EML2: variants seen among roughly 807,000 people sequenced by gnomAD.
The protein encoded by EML2 is echinoderm microtubule-associated protein-like 2.
EML2 carries 59 observed loss-of-function variants against 84.7 expected under a neutral mutation model. The ratio of observed to expected loss-of-function variants is 0.70; its 90% CI spans 0.56 to 0.86. EML2 has a LOEUF of 0.86. Ranked by LOEUF, EML2 falls within the 40% of genes least tolerant of loss-of-function variation. The pLI, the probability that EML2 is intolerant of heterozygous loss-of-function variation, is 0.00. For missense variants in EML2, 818 were observed against 855.6 expected (o/e 0.96, Z 0.55); for synonymous variants, 352 against 348.9 (o/e 1.01, Z -0.10).
At chr19:45,620,016 A>T (rs540100869) in intron 11 of EML2, among the ~76,000 whole-genome samples, 1 of 152,148 alleles carries the variant, frequency 6.6e-6, no homozygotes, top group African/African-American at 2.4e-5. Flanking sequence ...GCATCACTGC[A>T]TTCCAGGCTG....
upstream of EML2, chr19:45,641,298 C>A: frequency 4.1e-6 from 1 of 241,916 alleles, no homozygotes; most frequent in South Asian, 5.6e-5. Flanking sequence ...AACTCTGTGG[C>A]TGCTGCCTTG....
At chr19:45,635,569 T>C (rs1973626837) in intron 3 of EML2, among the ~76,000 whole-genome samples, 1 of 144,518 alleles carries the variant, frequency 6.9e-6, no homozygotes, top group African/African-American at 2.6e-5. Flanking sequence ...CAAAAAAAAA[T>C]GAATGTCTGT....
intron 3 of EML2, among the ~76,000 whole-genome samples, chr19:45,635,783 G>C (rs1002768772): frequency 6.6e-6 from 1 of 150,736 alleles, no homozygotes; most frequent in African/African-American, 2.4e-5. Context: ...GTAGAGAAAG[G>C]GTTTCTCCAT....
At chr19:45,610,409 C>T (rs946477362) in intron 18 of EML2, among the ~76,000 whole-genome samples, 1 of 145,630 alleles carries the variant, frequency 6.9e-6, no homozygotes, top group Admixed American at 6.9e-5. Context: ...CAAAAAAGAA[C>T]CAACAGAACA....
intron 7 of EML2, among the ~76,000 whole-genome samples, chr19:45,628,332 C>G (rs1464233513): frequency 6.6e-6 from 1 of 151,080 alleles, no homozygotes; most frequent in Non-Finnish European, 1.5e-5. Context: ...CATGCCATTA[C>G]ACTCCAGCCT....
At chr19:45,611,838 A>G (rs73570951) in intron 18 of EML2, among the ~76,000 whole-genome samples, 17,867 of 151,860 alleles carry the variant, frequency 0.12, 2,729 homozygotes, top group African/African-American at 0.35. Context: ...GAGGGCTAAA[A>G]GATAACCTAT....
Position 45,611,054 on chromosome 19 carries a change from G to T in EML2, c.1825-1266C>A, listed in dbSNP as rs547087846. Among the ~76,000 whole-genome samples, 7 of 152,198 alleles carry T rather than the reference G, an allele frequency of 4.6e-5. 1 individual carries two copies. The South Asian group carries it at 1.5e-3, about 32-fold the overall frequency. On this transcript the variant is annotated intron_variant, in intron 18 of 18. Coordinates refer to ENST00000245925, the MANE Select transcript of EML2 (RefSeq NM_012155.4). ...ATCAGGGAAATATGAATATGTACTGGCTATGAGATCATATTTAGGAATTAA... is the reference window on the plus strand; with the variant it reads ...ATCAGGGAAATATGAATATGTACTGTCTATGAGATCATATTTAGGAATTAA...
At chr19:45,624,841 G>T (rs1210841395) in intron 8 of EML2, 23 bp from the exon 9 acceptor site, 4 of 1,570,684 alleles carry the variant, frequency 2.5e-6, no homozygotes, top group South Asian at 2.3e-5. Context: ...AGGAAAGGAA[G>T]GTGTCAGAGC....
chr19:45,615,450 G>A (rs771105999), intron 16 of EML2, among the ~76,000 whole-genome samples: 3 of 151,112 alleles, frequency 2.0e-5, no homozygotes, highest in Non-Finnish European at 4.4e-5. Flanking sequence ...CCTGGGAGGC[G>A]GAGCTTGCAG....
rs1242513472 is a variant in EML2, at chr19:45,638,878, C to T, written c.21-5G>A. 1.9e-6 allele frequency: 3 copies of T among 1,613,088 alleles called. No individual in the cohort carries two copies. The highest frequency in any genetic ancestry group is 1.7e-6 in the Non-Finnish European group (2 of 1,179,858). ...AAGATAACTTCTTTGGTTTTGCTGT[C>T]AGGAAAGGACAAAGAAAAAAAAAGG... On this transcript the variant is annotated splice_region_variant and splice_polypyrimidine_tract_variant and intron_variant, in intron 1 of 18. Coordinates refer to ENST00000245925, the MANE Select transcript of EML2 (RefSeq NM_012155.4).
In EML2 at chr19:45,624,062, T is replaced by A. The variant is rs116982638; in HGVS notation, c.841+657A>T. Among the ~76,000 whole-genome samples the A allele has an allele frequency of 8.0e-4, 122 of 152,306 alleles. 3 individuals are homozygous for A. In the East Asian group the frequency reaches 0.015, roughly 19 times the overall value. On this transcript the variant is annotated intron_variant, in intron 9 of 18. Coordinates refer to ENST00000245925, the MANE Select transcript of EML2 (RefSeq NM_012155.4). Reference sequence around the variant, plus strand: ...TCACCCAACCATTGGCTAAGACAAGTCATTTATTCATCCAATCACTGATTA... The same window carrying A: ...TCACCCAACCATTGGCTAAGACAAGACATTTATTCATCCAATCACTGATTA...
intron 11 of EML2, among the ~76,000 whole-genome samples, chr19:45,619,670 C>T (rs1164934299): frequency 6.6e-6 from 1 of 152,224 alleles, no homozygotes; most frequent in Non-Finnish European, 1.5e-5. Context: ...AGGCAGGTGA[C>T]ATCTCCTTGG....
intron 18 of EML2, among the ~76,000 whole-genome samples, 158 bp from the exon 19 acceptor site, chr19:45,609,946 T>C (rs1200333586): frequency 6.6e-6 from 1 of 151,870 alleles, no homozygotes; most frequent in Admixed American, 6.6e-5. Flanking sequence ...ACAGCTTCAA[T>C]GCAGCCTTGA....
At chr19:45,625,776 T>C (rs1972240214) in intron 8 of EML2, among the ~76,000 whole-genome samples, 1 of 152,240 alleles carries the variant, frequency 6.6e-6, no homozygotes, top group African/African-American at 2.4e-5. Context: ...CTTCCCACCC[T>C]CTGCTTCCCA....
rs971670310 is a variant in EML2, at chr19:45,632,734, T to C, written c.510+127A>G. Reference sequence around the variant, plus strand: ...GTGAGGACACGCCCTCATTGTGACGTCACAGAGGCGGGCCACGCCTCCAGC... The same window carrying C: ...GTGAGGACACGCCCTCATTGTGACGCCACAGAGGCGGGCCACGCCTCCAGC... On this transcript the variant is annotated intron_variant, in intron 6 of 18. Coordinates refer to ENST00000245925, the MANE Select transcript of EML2 (RefSeq NM_012155.4). The C allele has an allele frequency of 6.4e-6, 5 of 777,012 alleles. No individual in the cohort carries two copies. The African/African-American group carries it at 8.6e-5, about 13-fold the overall frequency. 48.1% of individuals were successfully genotyped at this position (777,012 alleles called of 1,614,324 possible).
upstream of EML2, chr19:45,643,701 C>A (rs1600257037): frequency 6.5e-7 from 1 of 1,534,994 alleles, no homozygotes; most frequent in African/African-American, 1.4e-5. Context: ...CCACAGGCCG[C>A]GCAGCTGGCC....
At chr19:45,613,462 G>T (rs1970697796) in intron 18 of EML2, 79 bp downstream of exon 18, 5 of 1,545,402 alleles carry the variant, frequency 3.2e-6, no homozygotes, top group Non-Finnish European at 4.4e-6. Flanking sequence ...AAGGGGTGGG[G>T]TTGGACCAGA....
chr19:45,611,419 A>G (rs7252658), intron 18 of EML2, among the ~76,000 whole-genome samples: 54,858 of 151,746 alleles, frequency 0.36, 10,216 homozygotes, highest in East Asian at 0.43. Flanking sequence ...CTCAAAAAAA[A>G]AAAAGAAGAA....
intron 15 of EML2, chr19:45,616,216 G>A (rs1971046096): frequency 3.6e-6 from 2 of 555,426 alleles, no homozygotes; most frequent in Admixed American, 3.1e-5. Context: ...AACGTGAGGG[G>A]CGGTCTCGGA....
Sources: gnomAD v4.1 joint callset for allele counts (sites outside exome capture counted in the v4.1 genomes callset) on GRCh38, gnomAD v4.1.1 for gene constraint, MANE v1.5 for transcripts, NCBI Gene and HGNC (gene_info 2026-07-23, HGNC 2026-07-21) for gene names.